Variants in SHISA7 observed in about 807,000 individuals in gnomAD.
SHISA7 encodes shisa family member 7.
In SHISA7, 6 loss-of-function variants were observed where a neutral mutation model predicts 23.9. The ratio of observed to expected loss-of-function variants is 0.25; its 90% confidence interval spans 0.14 to 0.50. SHISA7 has a LOEUF of 0.50. Ranked by LOEUF, SHISA7 falls within the 20% of genes least tolerant of loss-of-function variation. The probability of loss-of-function intolerance (pLI) is 0.98; values close to 1 mark genes in which losing one functional copy is unlikely to be tolerated. For synonymous variants in SHISA7, 386 were observed against 398.3 expected, an observed-to-expected ratio of 0.97 and a Z score of 0.37; for missense variants, 671 against 801.1, an observed-to-expected ratio of 0.84 and a Z score of 1.96.
chr19:55,438,701 G>A, intron 2 of SHISA7: 1 of 1,219,586 alleles, frequency 8.2e-7, no homozygotes, highest in Non-Finnish European at 1.1e-6. Flanking sequence ...CTGATCTCTG[G>A]GAAGGACTCT....
intron 3 of SHISA7, among the ~76,000 whole-genome samples, chr19:55,436,032 A>G (rs1258401334): frequency 1.3e-5 from 2 of 152,160 alleles, no homozygotes; most frequent in Non-Finnish European, 2.9e-5. Flanking sequence ...CACACCTGTA[A>G]TCCCAGCACT....
rs1280741709 is a variant in SHISA7, at chr19:55,442,380, C to T, written c.484G>A (p.Ala162Thr). The T allele has an allele frequency of 1.5e-6, 2 of 1,362,178 alleles. No homozygotes were observed. The highest frequency in any genetic ancestry group is 3.1e-5 in the East Asian group (1 of 31,824). The allele number at this position is 1,362,178 out of a possible 1,614,324, so 84.4% of individuals were successfully genotyped here. A position where few individuals can be genotyped will look rare whatever the true frequency, so the allele number is the denominator to read the frequency against. Residue 162 changes from alanine (A) to threonine (T), a missense_variant, in exon 1 of 4, where the codon GCC becomes ACC. By Grantham distance (58) the Ala-to-Thr change is moderately conservative (BLOSUM62 0). Coordinates refer to ENST00000376325, the MANE Select transcript of SHISA7 (RefSeq NM_001145176.2). The stretch of plus-strand genomic sequence containing the variant: ...GTCCGGCCCCCTTCCAACCACCCGG[C>T]CTGGCCGGGCCCTGGCCCCCCGCCC... The part of the protein sequence containing the change: ...GAGGGPGPGQ[A>T]GWLEGGRTGG...
At position 55,434,004 on chromosome 19, in the gene SHISA7, C is replaced by A. The variant is rs1009695714; in HGVS notation, c.977-208G>T. Among the ~76,000 whole-genome samples, 8 of 152,062 alleles carry A rather than the reference C, an allele frequency of 5.3e-5. 1 individual carries two copies. The highest frequency in any genetic ancestry group is 1.7e-4 in the African/African-American group (7 of 41,378). ...ATGTGGAGGACTTCCTCTTCTTCCCCCCCGCGCCGCCTATCCCTTCTTTTG... is the reference window on the plus strand; with the variant it reads ...ATGTGGAGGACTTCCTCTTCTTCCCACCCGCGCCGCCTATCCCTTCTTTTG... On this transcript the variant is annotated intron_variant, in intron 3 of 3. Transcript: ENST00000376325.
At chr19:55,435,040 GGTGT>G (rs568974540) in intron 3 of SHISA7, among the ~76,000 whole-genome samples, 2 of 63,112 alleles carry the variant, frequency 3.2e-5, no homozygotes, top group African/African-American at 6.2e-5. Context: ...GTGGCTGTGT[GGTGT>G]GTGTGTGGTG....
Position 55,433,437 on chromosome 19 carries a change from T to C in SHISA7, c.1336A>G (p.Ser446Gly). ...ALPPDPTARA[S>G]LAASHSNLLL... The stretch of plus-strand genomic sequence containing the variant: ...AGGTTGGAGTGCGAGGCGGCCAGGC[T>C]GGCCCGGGCGGTGGGGTCGGGGGGC... Residue 446 changes from serine (S) to glycine (G), a missense_variant, in exon 4 of 4, where the codon AGC becomes GGC. Physicochemically the swap from Ser to Gly is moderately conservative, Grantham distance 56. This residue lies in a region of SHISA7 where 457 missense variants were observed against 488.3 expected (regional missense o/e 0.94). Coordinates refer to ENST00000376325, the MANE Select transcript of SHISA7 (RefSeq NM_001145176.2). The surrounding 1 kb of genome is among the most constrained non-coding windows in gnomAD (Gnocchi z 8.4). 7.5e-7 allele frequency: 1 copy of C among 1,330,926 alleles called. No individual in the cohort carries two copies. Among genetic ancestry groups the C allele is most frequent in the Non-Finnish European group, 9.5e-7 (1 of 1,048,922 alleles). 82.4% of individuals were successfully genotyped at this position (1,330,926 alleles called of 1,614,324 possible).
rs1281611804 is a variant in SHISA7 at position 55,437,773 on chromosome 19, G to A, written c.827-19C>T. On this transcript the variant is annotated intron_variant, in intron 2 of 3. Transcript: ENST00000376325. ...CGCCAGTCTGGGTTAGAGGGGGCAG[G>A]GCCAGGGTCAGTCAGCTTCCTCCCT... The A allele has an allele frequency of 6.5e-7, 1 of 1,544,124 alleles. No individual in the cohort carries two copies. The highest frequency in any genetic ancestry group is 8.7e-7 in the Non-Finnish European group (1 of 1,143,080).
chr19:55,434,359 GGTGT>G (rs1225727224), intron 3 of SHISA7, among the ~76,000 whole-genome samples: 2 of 132,950 alleles, frequency 1.5e-5, no homozygotes, highest in East Asian at 2.5e-4. Context: ...GTGTATATGT[GGTGT>G]GTGTGTGTGG....
Position 55,442,535 on chromosome 19 carries a change from C to T in SHISA7, c.329G>A (p.Cys110Tyr). ...GTGCTCACAGCAGAAGCGGTAGTGG[C>T]AGGTGCCACAGCAGAAGCGGTAGGA... ...TGSYRFCCGT[C>Y]HYRFCCEHRH... The change falls in exon 1 of 4, where the codon TGC becomes TAC. Residue 110 changes from cysteine (C) to tyrosine (Y), a missense_variant. Cys to Tyr is a radical substitution (Grantham distance 194). Around this residue, in one of 5 missense-constraint regions of SHISA7, gnomAD observed 48 missense variants for 111.0 expected, o/e 0.43. Transcript: ENST00000376325. 2 of 1,480,306 alleles carry T rather than the reference C, an allele frequency of 1.4e-6. No homozygotes were observed. Among genetic ancestry groups the T allele is most frequent in the African/African-American group, 1.5e-5 (1 of 68,206 alleles). 91.7% of individuals were successfully genotyped at this position (1,480,306 alleles called of 1,614,324 possible). A position where few individuals can be genotyped will look rare whatever the true frequency, so the allele number is the denominator to read the frequency against.
rs940801887 is a variant in SHISA7 at position 55,432,524 on chromosome 19, A to G, written c.*632T>C. On this transcript the variant is annotated 3_prime_UTR_variant, in exon 4 of 4. Coordinates refer to ENST00000376325, the MANE Select transcript of SHISA7 (RefSeq NM_001145176.2). The surrounding 1 kb of genome is among the most constrained non-coding windows in gnomAD (Gnocchi z 4.6). Reference sequence around the variant, plus strand: ...GGACCTTATGTCTAGTGAGGACACAATCGGTGAGGCATTTTCCCCTGCGAC... The same window carrying G: ...GGACCTTATGTCTAGTGAGGACACAGTCGGTGAGGCATTTTCCCCTGCGAC... 6.6e-6 allele frequency: 1 copy of G among 152,566 alleles called. No individual in the cohort carries two copies. Among genetic ancestry groups the G allele is most frequent in the Non-Finnish European group, 1.5e-5 (1 of 68,022 alleles). 9.5% of individuals were successfully genotyped at this position (152,566 alleles called of 1,614,324 possible). A position where few individuals can be genotyped will look rare whatever the true frequency, so the allele number is the denominator to read the frequency against.
chr19:55,435,050 TGG>T (rs1488067465), intron 3 of SHISA7, among the ~76,000 whole-genome samples: 1 of 61,302 alleles, frequency 1.6e-5, no homozygotes, highest in Non-Finnish European at 3.2e-5. Flanking sequence ...GGTGTGTGTG[TGG>T]TGTGTGTGTA....
chr19:55,438,888 C>T (rs1985531576), intron 2 of SHISA7, among the ~76,000 whole-genome samples: 1 of 152,058 alleles, frequency 6.6e-6, no homozygotes, highest in Admixed American at 6.5e-5. Context: ...CCCTGGTGCC[C>T]AGGCTAGAGA....
chr19:55,441,716 C>T (rs1421124922), intron 1 of SHISA7, among the ~76,000 whole-genome samples: 1 of 152,114 alleles, frequency 6.6e-6, no homozygotes, highest in Non-Finnish European at 1.5e-5. Flanking sequence ...TTACCGTGTG[C>T]CAGGACCCTG....
Position 55,433,482 on chromosome 19 carries a change from G to T in SHISA7, c.1291C>A (p.Pro431Thr). Reference protein sequence around the residue: ...LRQSREHLLSPPRSPALPPDP... With the variant: ...LRQSREHLLSTPRSPALPPDP... Reference sequence around the variant, plus strand: ...GGGGGCAGCGCGGGGCTGCGCGGGGGCGACAGCAGGTGCTCGCGACTCTGG... The same window carrying T: ...GGGGGCAGCGCGGGGCTGCGCGGGGTCGACAGCAGGTGCTCGCGACTCTGG... Residue 431 changes from proline (P) to threonine (T), a missense_variant, in exon 4 of 4, where the codon CCC becomes ACC. Physicochemically the swap from Pro to Thr is conservative, Grantham distance 38. Coordinates refer to ENST00000376325, the MANE Select transcript of SHISA7 (RefSeq NM_001145176.2). The surrounding 1 kb of genome is among the most constrained non-coding windows in gnomAD (Gnocchi z 8.4). 7.0e-7 allele frequency: 1 copy of T among 1,429,754 alleles called. No homozygotes were observed. Among genetic ancestry groups the T allele is most frequent in the Non-Finnish European group, 9.1e-7 (1 of 1,098,430 alleles). The allele number at this position is 1,429,754 out of a possible 1,614,324, so 88.6% of individuals were successfully genotyped here. A position where few individuals can be genotyped will look rare whatever the true frequency, so the allele number is the denominator to read the frequency against.
chr19:55,438,640 G>C lies in SHISA7; in HGVS notation c.827-886C>G, dbSNP rs988734756. On this transcript the variant is annotated intron_variant, in intron 2 of 3. Coordinates refer to ENST00000376325, the MANE Select transcript of SHISA7 (RefSeq NM_001145176.2). ...GGTGCAGATTATCTGGGGGGACCGA[G>C]AAGGGAGATGATGTCACTGCCATCA... The C allele has an allele frequency of 1.0e-5, 13 of 1,303,966 alleles. No homozygotes were observed. In the African/African-American group the frequency reaches 1.7e-4, roughly 17 times the overall value. The allele number at this position is 1,303,966 out of a possible 1,614,324, so 80.8% of individuals were successfully genotyped here. A position where few individuals can be genotyped will look rare whatever the true frequency, so the allele number is the denominator to read the frequency against.
At position 55,443,257 on chromosome 19, in the gene SHISA7, G is replaced by A. The variant is rs1200287806; in HGVS notation, c.-394C>T. 1.3e-5 allele frequency among the ~76,000 whole-genome samples: 2 copies of A among 150,718 alleles called. No homozygotes were observed. Among genetic ancestry groups the A allele is most frequent in the African/African-American group, 2.4e-5 (1 of 40,830 alleles). On this transcript the variant is annotated 5_prime_UTR_variant, in exon 1 of 4. Coordinates refer to ENST00000376325, the MANE Select transcript of SHISA7 (RefSeq NM_001145176.2). ...GAGGGGTGTGCAGACATTAGGACGA[G>A]GAGCGAGGCGAGGCGCGATGTAAGG...
intron 3 of SHISA7, among the ~76,000 whole-genome samples, chr19:55,435,187 GGTGT>G (rs1444542261): frequency 3.2e-5 from 4 of 124,562 alleles, no homozygotes; most frequent in Non-Finnish European, 5.1e-5. Flanking sequence ...GTGGTTGTGT[GGTGT>G]GTATGTGTGT....
At chr19:55,438,799 G>T (rs534496286) in intron 2 of SHISA7, among the ~76,000 whole-genome samples, 1 of 152,234 alleles carries the variant, frequency 6.6e-6, no homozygotes, top group African/African-American at 2.4e-5. Flanking sequence ...AACTGAGGCT[G>T]GGGGTCTTGA....
At position 55,442,448 on chromosome 19, in the gene SHISA7, G is replaced by A; in HGVS notation, c.416C>T (p.Thr139Met). The A allele has an allele frequency of 7.0e-7, 1 of 1,427,130 alleles. No individual in the cohort carries two copies. The allele number at this position is 1,427,130 out of a possible 1,614,324, so 88.4% of individuals were successfully genotyped here. The change falls in exon 1 of 4, where the codon ACG (threonine) becomes ATG (methionine). Residue 139 changes from threonine (T) to methionine (M), a missense_variant. By Grantham distance (81) the Thr-to-Met change is moderately conservative. Around this residue, in one of 5 missense-constraint regions of SHISA7, gnomAD observed 48 missense variants for 111.0 expected, o/e 0.43. Coordinates refer to ENST00000376325, the MANE Select transcript of SHISA7 (RefSeq NM_001145176.2). ...SNYDTPRWATTPPPLAGGAGG... is the reference protein window; with the variant it reads ...SNYDTPRWATMPPPLAGGAGG... Reference sequence around the variant, plus strand: ...GGCGCCCCCAGCTAGCGGCGGCGGCGTGGTGGCCCAGCGCGGCGTGTCGTA... The same window carrying A: ...GGCGCCCCCAGCTAGCGGCGGCGGCATGGTGGCCCAGCGCGGCGTGTCGTA...
At chr19:55,434,311 GGTGT>G (rs748499858) in intron 3 of SHISA7, among the ~76,000 whole-genome samples, 2 of 102,980 alleles carry the variant, frequency 1.9e-5, no homozygotes, top group Non-Finnish European at 3.9e-5. Context: ...GTGTGTGTGT[GGTGT>G]GTGTGTGTGG....
Sources: gnomAD v4.1 joint callset for allele counts (sites outside exome capture counted in the v4.1 genomes callset) on GRCh38, gnomAD v4.1.1 for gene constraint, gnomAD v4.1.1 regional missense constraint, Gnocchi (gnomAD v3.1) non-coding constraint, MANE v1.5 for transcripts, NCBI Gene and HGNC (gene_info 2026-07-23, HGNC 2026-07-21) for gene names.